The following ASMTL variants were observed in gnomAD, a reference collection of about 807,000 sequenced individuals.
ASMTL encodes the protein probable bifunctional dTTP/UTP pyrophosphatase/methyltransferase protein.
ASMTL carries 57 observed loss-of-function variants against 60.3 expected under a neutral mutation model. The ratio of observed to expected loss-of-function variants is 0.95; its 90% CI spans 0.76 to 1.18. The LOEUF is 1.18. ASMTL is among the 50% of genes most tolerant of loss of function. The pLI is 0.00. For missense variants in ASMTL, 981 were observed against 852.6 expected (o/e 1.15, Z -1.88); for synonymous variants, 419 against 373.0 (o/e 1.12, Z -1.42).
chrX:1,414,600 C>T lies in ASMTL; in HGVS notation c.1523-1746G>A, dbSNP rs549406498. 1.5e-3 allele frequency among the ~76,000 whole-genome samples: 225 copies of T among 152,058 alleles called. 4 individuals carry two copies. In the South Asian group the frequency reaches 0.045, roughly 30 times the overall value. On this transcript the variant is annotated intron_variant, in intron 11 of 12. Transcript: ENST00000381317. Reference sequence around the variant, plus strand: ...GCGGGCACTTGTCACCCCAGCTACTCGGGAGGCTGAGGTGGGAGGATCCCT... The same window carrying T: ...GCGGGCACTTGTCACCCCAGCTACTTGGGAGGCTGAGGTGGGAGGATCCCT...
chrX:1,437,483 CCT>C (rs1281475822), intron 3 of ASMTL, among the ~76,000 whole-genome samples: 4 of 152,048 alleles, frequency 2.6e-5, no homozygotes, highest in East Asian at 3.9e-4. Flanking sequence ...CCGTCTTCCC[CCT>C]GTGTCCTCAC....
intron 5 of ASMTL, among the ~76,000 whole-genome samples, chrX:1,433,185 G>A (rs2090856640): frequency 6.6e-6 from 1 of 152,158 alleles, no homozygotes; most frequent in South Asian, 2.1e-4. Context: ...AATCTGTTGA[G>A]TGACAGGAGC....
chrX:1,430,746 T>A (rs1422856216), intron 6 of ASMTL, among the ~76,000 whole-genome samples: 2 of 151,414 alleles, frequency 1.3e-5, no homozygotes, highest in Admixed American at 6.6e-5. Context: ...CACTCCAGCC[T>A]GGGTGACAGA....
At chrX:1,410,825 G>C (rs1179686756) in intron 12 of ASMTL, among the ~76,000 whole-genome samples, 1 of 152,052 alleles carries the variant, frequency 6.6e-6, no homozygotes, top group Non-Finnish European at 1.5e-5. Context: ...AGGAGGTCAA[G>C]GCTGCAGTGA....
intron 12 of ASMTL, among the ~76,000 whole-genome samples, chrX:1,411,233 G>A (rs1197777673): frequency 4.3e-4 from 4 of 9,370 alleles, no homozygotes; most frequent in South Asian, 0.016. Context: ...AAGAAGGAGA[G>A]ACAGAGGGAG....
At chrX:1,417,622 C>G (rs2090339464) in intron 11 of ASMTL, among the ~76,000 whole-genome samples, 1 of 151,824 alleles carries the variant, frequency 6.6e-6, no homozygotes, top group African/African-American at 2.4e-5. Context: ...GACACACACA[C>G]ACAGACATGC....
chrX:1,427,717 G>A lies in ASMTL; in HGVS notation c.897+17C>T. The A allele has an allele frequency of 6.3e-7, 1 of 1,589,022 alleles. No homozygotes were observed. Among genetic ancestry groups the A allele is most frequent in the Non-Finnish European group, 8.6e-7 (1 of 1,163,422 alleles). The stretch of plus-strand genomic sequence containing the variant: ...GCTCATTTGTGAAATGTGGCCTGAG[G>A]AGACAGACACAGGTACCTTGGATAG... On this transcript the variant is annotated intron_variant, in intron 7 of 12. Coordinates refer to ENST00000381317, the MANE Select transcript of ASMTL (RefSeq NM_004192.4).
rs187264905 is a variant in ASMTL, at chrX:1,418,023, G to A, written c.1472C>T (p.Ala491Val). The A allele has an allele frequency of 8.1e-6, 13 of 1,613,548 alleles. No homozygotes were observed. Among genetic ancestry groups the A allele is most frequent in the Middle Eastern group, 1.6e-4 (1 of 6,062 alleles). The change falls in exon 11 of 13, where the codon GCC becomes GTC. Residue 491 changes from alanine to valine, a missense_variant. Transcript: ENST00000381317. ...CTGCGGTCCGGGGGGTTGGAAGTGG[G>A]CGGCCAGCTCGATAATGTCTGGGAG... ...FDLPDIIELA[A>V]HFQPPGPQAV... is the part of the protein sequence containing the mutation.
intron 3 of ASMTL, 174 bp downstream of exon 3, chrX:1,438,922 TG>T: frequency 4.4e-6 from 1 of 226,578 alleles, no homozygotes; most frequent in Non-Finnish European, 7.4e-6. Context: ...CCACGGCGCC[TG>T]GCCCCTTCCC....
chrX:1,426,674 G>A (rs777541342), intron 7 of ASMTL, among the ~76,000 whole-genome samples: 23 of 152,278 alleles, frequency 1.5e-4, no homozygotes, highest in Non-Finnish European at 2.8e-4. Flanking sequence ...CCAACATAGC[G>A]AAACCCTGTC....
Position 1,432,320 on chromosome X carries a change from G to C in ASMTL, c.458C>G (p.Ser153Trp). 1 of 1,612,858 alleles carries C rather than the reference G, an allele frequency of 6.2e-7. No individual in the cohort carries two copies. The highest frequency in any genetic ancestry group is 8.5e-7 in the Non-Finnish European group (1 of 1,179,692). Residue 153 changes from serine to tryptophan, a missense_variant, in exon 6 of 13, where the codon TCG (serine) becomes TGG (tryptophan). Ser to Trp is a radical substitution (Grantham distance 177). Coordinates refer to ENST00000381317, the MANE Select transcript of ASMTL (RefSeq NM_004192.4). ...EFYEETKVKF[S>W]ELSEELLWEY... ...CCAGAGCAGCTCCTCGGACAGCTCC[G>C]AGAACTTCACCTTCGTTTCCTCGTA...
chrX:1,442,742 G>A (rs2091134452), intron 1 of ASMTL, among the ~76,000 whole-genome samples: 2 of 152,162 alleles, frequency 1.3e-5, no homozygotes, highest in African/African-American at 4.8e-5. Context: ...CAGGAAAAAC[G>A]CCAGCAATGA....
intron 12 of ASMTL, among the ~76,000 whole-genome samples, chrX:1,410,401 T>C (rs1186797275): frequency 2.6e-5 from 4 of 151,726 alleles, no homozygotes; most frequent in African/African-American, 9.7e-5. Context: ...GGGGGACTCC[T>C]ATCTCCACAA....
chrX:1,429,508 G>C (rs1258115980), intron 6 of ASMTL, among the ~76,000 whole-genome samples: 1 of 151,414 alleles, frequency 6.6e-6, no homozygotes, highest in African/African-American at 2.4e-5. Flanking sequence ...ATTAAAGTAT[G>C]TATGAAAGTG....
At chrX:1,435,817 G>T in intron 3 of ASMTL, 59 bp from the exon 4 acceptor site, 1 of 1,370,606 alleles carries the variant, frequency 7.3e-7, no homozygotes, top group Non-Finnish European at 1.0e-6. Context: ...GCCTGTGCAA[G>T]TCCCACGGTC....
intron 6 of ASMTL, 98 bp downstream of exon 6, chrX:1,432,171 C>A (rs1479527399): frequency 1.0e-6 from 1 of 995,372 alleles, no homozygotes; most frequent in Admixed American, 2.2e-5. Context: ...CGGAGCGGGG[C>A]CTCCTTCTTT....
chrX:1,415,187 C>T (rs1437658411), intron 11 of ASMTL, among the ~76,000 whole-genome samples: 2 of 17,794 alleles, frequency 1.1e-4, no homozygotes, highest in South Asian at 5.3e-3. Flanking sequence ...GTGATCCACC[C>T]GCCTCAGCCT....
At chrX:1,403,678 G>A (rs1429560712) in intron 12 of ASMTL, 189 bp from the exon 13 acceptor site, 1 of 606,562 alleles carries the variant, frequency 1.6e-6, no homozygotes, top group African/African-American at 1.9e-5. Flanking sequence ...CGGACAGACA[G>A]GGAGAAGGAG....
At chrX:1,453,285 A>T (rs1280760368), upstream of ASMTL, among the ~76,000 whole-genome samples, 2 of 141,258 alleles carry the variant, frequency 1.4e-5, no homozygotes, top group Admixed American at 6.9e-5. Flanking sequence ...CCGCCAGGCC[A>T]CGCCCATGCC....
Sources: gnomAD v4.1 joint callset for allele counts (sites outside exome capture counted in the v4.1 genomes callset) on GRCh38, gnomAD v4.1.1 for gene constraint, MANE v1.5 for transcripts, NCBI Gene and HGNC (gene_info 2026-07-23, HGNC 2026-07-21) for gene names.